Variants in DNMBP observed in about 807,000 individuals in gnomAD.
DNMBP encodes dynamin-binding protein.
Under a neutral mutation model 150.0 loss-of-function variants are expected in DNMBP, and 87 were observed. The observed-to-expected ratio is 0.58, with a 90% CI of 0.49 to 0.69. The LOEUF is 0.69. Ranked by LOEUF, DNMBP falls within the 30% of genes least tolerant of loss-of-function variation. DNMBP has a pLI of 0.00. For synonymous variants in DNMBP, 711 were observed against 750.4 expected (o/e 0.95, Z 0.86); for missense variants, 1,774 against 1,949.0 (o/e 0.91, Z 1.69).
chr10:99,953,437 T>C (rs1205932861), intron 4 of DNMBP, among the ~76,000 whole-genome samples: 2 of 152,094 alleles, frequency 1.3e-5, no homozygotes, highest in Admixed American at 1.3e-4. Flanking sequence ...CCATATGAAT[T>C]ATCATTGTAC....
At chr10:100,004,896 A>C (rs2041052338) in intron 1 of DNMBP, among the ~76,000 whole-genome samples, 1 of 152,216 alleles carries the variant, frequency 6.6e-6, no homozygotes, top group Non-Finnish European at 1.5e-5. Context: ...AAATACCTAT[A>C]TTATAAAATC....
chr10:99,931,221 G>A (rs965414516), intron 4 of DNMBP, among the ~76,000 whole-genome samples: 3 of 152,174 alleles, frequency 2.0e-5, no homozygotes, highest in African/African-American at 7.2e-5. Flanking sequence ...TAAGCCACCA[G>A]GGGTATAAAC....
At chr10:99,962,430 G>A (rs1258599647) in intron 3 of DNMBP, among the ~76,000 whole-genome samples, 6 of 152,190 alleles carry the variant, frequency 3.9e-5, no homozygotes. Flanking sequence ...AGGAGATTGA[G>A]ACCATCCTGG....
At chr10:100,009,435 G>C (rs1483117819) in intron 1 of DNMBP, among the ~76,000 whole-genome samples, 2 of 152,266 alleles carry the variant, frequency 1.3e-5, no homozygotes, top group Non-Finnish European at 2.9e-5. Flanking sequence ...ATGCCGTAAG[G>C]CTCCGAACAT....
At chr10:99,906,454 A>G (rs565278445) in intron 6 of DNMBP, among the ~76,000 whole-genome samples, 3 of 152,242 alleles carry the variant, frequency 2.0e-5, no homozygotes, top group East Asian at 3.9e-4. Flanking sequence ...CCCCTCCCAC[A>G]CTGTGCCAGG....
intron 1 of DNMBP, among the ~76,000 whole-genome samples, chr10:100,003,694 A>AAACAAC (rs1005884016): frequency 6.6e-6 from 1 of 151,970 alleles, no homozygotes; most frequent in Non-Finnish European, 1.5e-5. Flanking sequence ...ATCTCTATTA[A>AAACAAC]AACAACAACA....
chr10:99,970,406 T>G (rs1168583862), intron 2 of DNMBP, among the ~76,000 whole-genome samples: 2 of 152,126 alleles, frequency 1.3e-5, no homozygotes, highest in Non-Finnish European at 2.9e-5. Flanking sequence ...CTTACAGAAT[T>G]GAAGAAAGCT....
At chr10:99,933,502 A>C (rs534903839) in intron 4 of DNMBP, among the ~76,000 whole-genome samples, 1 of 144,458 alleles carries the variant, frequency 6.9e-6, no homozygotes, top group Non-Finnish European at 1.5e-5. Context: ...AACAAGCTTT[A>C]TTATATGGGT....
chr10:99,886,365 C>T lies in DNMBP; in HGVS notation c.3553G>A (p.Gly1185Ser), dbSNP rs756382284. 12 of 1,614,034 alleles carry T rather than the reference C, an allele frequency of 7.4e-6. No individual in the cohort carries two copies. In the East Asian group the frequency reaches 1.3e-4, roughly 18 times the overall value. The change falls in exon 13 of 17, where the codon GGC (glycine) becomes AGC (serine). Residue 1185 changes from glycine (G) to serine (S), a missense_variant. This residue lies in a region of DNMBP where 1,430 missense variants were observed against 1,492.5 expected (regional missense o/e 0.96). Transcript: ENST00000324109. ...AAGTCACAGTGGGCTTCAGCATAGC[C>T]GTGGACACAGTTGGTGAAGAGGCCC... ...AQGLFTNCVH[G>S]YAEAHCDFVH...
chr10:99,995,063 T>TC (rs1456277126), intron 1 of DNMBP, among the ~76,000 whole-genome samples: 2 of 137,306 alleles, frequency 1.5e-5, no homozygotes, highest in Non-Finnish European at 3.3e-5. Context: ...ACAATTTTTT[T>TC]TTTTTTTTTG....
At chr10:99,882,253 A>C (rs967107023) in intron 15 of DNMBP, among the ~76,000 whole-genome samples, 6 of 152,212 alleles carry the variant, frequency 3.9e-5, no homozygotes, top group African/African-American at 1.4e-4. Flanking sequence ...GAGGTTGCTC[A>C]ACAGGTACAA....
At chr10:99,969,089 A>AT in intron 3 of DNMBP, 26 bp downstream of exon 3, 1 of 1,608,692 alleles carries the variant, frequency 6.2e-7, no homozygotes, top group South Asian at 1.1e-5. Context: ...AATTTCAAAT[A>AT]GTCTACTATT....
chr10:99,989,022 ACTT>A (rs1564755539), intron 1 of DNMBP, among the ~76,000 whole-genome samples: 2 of 152,120 alleles, frequency 1.3e-5, no homozygotes. Context: ...TTTTTCAGCT[ACTT>A]CTTATTCTTA....
chr10:100,007,007 C>T (rs1307747133), intron 1 of DNMBP, among the ~76,000 whole-genome samples: 1 of 151,938 alleles, frequency 6.6e-6, no homozygotes, highest in African/African-American at 2.4e-5. Flanking sequence ...CCAGCTTACT[C>T]GGGAGGCTGA....
At chr10:99,941,545 C>T (rs1041767839) in intron 4 of DNMBP, among the ~76,000 whole-genome samples, 38 of 151,716 alleles carry the variant, frequency 2.5e-4, no homozygotes, top group Admixed American at 1.9e-3. Flanking sequence ...CTCGGCTCAC[C>T]GCAACCTCCA....
At chr10:99,966,232 G>A (rs529969706) in intron 3 of DNMBP, among the ~76,000 whole-genome samples, 1 of 152,160 alleles carries the variant, frequency 6.6e-6, no homozygotes, top group South Asian at 2.1e-4. Context: ...TGTGTTTACT[G>A]GCAGTAGATT....
intron 11 of DNMBP, among the ~76,000 whole-genome samples, chr10:99,891,825 G>GA (rs1564719484): frequency 9.5e-5 from 14 of 147,606 alleles, no homozygotes; most frequent in African/African-American, 3.6e-4. Flanking sequence ...CTGCCCCGCC[G>GA]CCCCATCTGG....
In DNMBP at chr10:99,956,840, C is replaced by G; in HGVS notation, c.634G>C (p.Val212Leu). ...LGPLRTVDESVSSGNQDDCIV... is the reference protein window; with the variant it reads ...LGPLRTVDESLSSGNQDDCIV... ...CAGTCATCTTGATTTCCAGAACTTACTGACTCATCCACAGTCCTCAGGGGC... is the reference window on the plus strand; with the variant it reads ...CAGTCATCTTGATTTCCAGAACTTAGTGACTCATCCACAGTCCTCAGGGGC... The change falls in exon 4 of 17, where the codon GTA becomes CTA. Residue 212 changes from valine (V) to leucine (L), a missense_variant. Val to Leu is a conservative substitution (Grantham distance 32, BLOSUM62 1). Coordinates refer to ENST00000324109, the MANE Select transcript of DNMBP (RefSeq NM_015221.4). The G allele has an allele frequency of 6.2e-7, 1 of 1,614,178 alleles. No homozygotes were observed. Among genetic ancestry groups the G allele is most frequent in the Non-Finnish European group, 8.5e-7 (1 of 1,180,034 alleles).
At chr10:99,985,775 G>A (rs987695263) in intron 1 of DNMBP, among the ~76,000 whole-genome samples, 2 of 152,176 alleles carry the variant, frequency 1.3e-5, no homozygotes, top group African/African-American at 2.4e-5. Context: ...ATGAAAGGAT[G>A]AGAGGTGTCA....
Sources: gnomAD v4.1 joint callset for allele counts (sites outside exome capture counted in the v4.1 genomes callset) on GRCh38, gnomAD v4.1.1 for gene constraint, gnomAD v4.1.1 regional missense constraint, MANE v1.5 for transcripts, NCBI Gene and HGNC (gene_info 2026-07-23, HGNC 2026-07-21) for gene names.